Variants in FSTL4 observed in about 807,000 individuals in gnomAD.
The protein encoded by FSTL4 is follistatin-related protein 4.
A neutral mutation model predicts 78.2 loss-of-function variants in FSTL4; 28 were observed. The ratio of observed to expected loss-of-function variants is 0.36; its 90% CI spans 0.27 to 0.49. FSTL4 has a LOEUF of 0.49. Among genes scored for constraint, FSTL4 ranks in the 20% least tolerant of loss-of-function variants. The pLI is 0.98. For missense variants in FSTL4, 922 were observed against 1,084.9 expected, an observed-to-expected ratio of 0.85 and a Z score of 2.11; for synonymous variants, 422 against 440.5, an observed-to-expected ratio of 0.96 and a Z score of 0.53.
At chr5:133,667,902 C>T in the FSTL4 span, among the ~76,000 whole-genome samples, 1 of 152,182 alleles carries the variant, frequency 6.6e-6, no homozygotes, top group South Asian at 2.1e-4. Context: ...ACACAGTAGA[C>T]AATAAACATT....
intron 3 of FSTL4, among the ~76,000 whole-genome samples, chr5:133,467,248 GTA>G (rs1300211833): frequency 6.9e-6 from 1 of 145,724 alleles, no homozygotes; most frequent in African/African-American, 2.7e-5. Context: ...GTGAGAATGA[GTA>G]TATGTGAGTG....
rs867775539 is a variant in FSTL4 at position 133,199,643 on chromosome 5, G to A, written c.1981C>T (p.Arg661Ter). The change falls in exon 16 of 16, where the codon CGA (arginine) becomes TGA (stop). Residue 661 changes from arginine to a stop codon, truncating the protein, a stop_gained. Coordinates refer to ENST00000265342, the MANE Select transcript of FSTL4 (RefSeq NM_015082.2). LOFTEE classifies it low-confidence loss of function (END_TRUNC). This position sits in a 1 kb window ranked among gnomAD's most constrained non-coding sequence, Gnocchi z 4.4. The part of the protein sequence containing the change: ...HLGGYFFIQC[R>*]QDSPASAARQ... The stretch of plus-strand genomic sequence containing the variant: ...GCAGCAGAGGCGGGGCTGTCCTGTC[G>A]GCACTGGATGAAGAAGTAGCCGCCC... 6 of 1,614,018 alleles carry A rather than the reference G, an allele frequency of 3.7e-6. No individual in the cohort carries two copies. The highest frequency in any genetic ancestry group is 1.3e-5 in the African/African-American group (1 of 74,912).
intron 13 of FSTL4, among the ~76,000 whole-genome samples, chr5:133,215,066 T>C (rs1298198898): frequency 6.6e-6 from 1 of 152,214 alleles, no homozygotes; most frequent in Non-Finnish European, 1.5e-5. Context: ...GCCAAGGTGA[T>C]CCATGACTCT....
intron 6 of FSTL4, among the ~76,000 whole-genome samples, chr5:133,289,141 C>T (rs1445501493): frequency 1.3e-5 from 2 of 152,144 alleles, no homozygotes; most frequent in Admixed American, 6.5e-5. Context: ...TTGGGGGCTG[C>T]GAGGTCTGGA....
At chr5:133,704,686 G>T in the FSTL4 span, among the ~76,000 whole-genome samples, 2 of 152,220 alleles carry the variant, frequency 1.3e-5, no homozygotes, top group Non-Finnish European at 2.9e-5. Flanking sequence ...GGCATGATAA[G>T]ATACTGTCAG....
At chr5:133,698,533 G>A in the FSTL4 span, among the ~76,000 whole-genome samples, 11 of 152,222 alleles carry the variant, frequency 7.2e-5, no homozygotes, top group Non-Finnish European at 1.5e-4. Flanking sequence ...TATTACATGC[G>A]ATAATGCATG....
chr5:133,527,535 G>C (rs1759162587), intron 3 of FSTL4, among the ~76,000 whole-genome samples: 1 of 152,054 alleles, frequency 6.6e-6, no homozygotes, highest in Non-Finnish European at 1.5e-5. Context: ...ACTGACCGAT[G>C]TTATAAGCAT....
At chr5:133,360,586 C>T (rs184554558) in intron 4 of FSTL4, among the ~76,000 whole-genome samples, 3 of 149,476 alleles carry the variant, frequency 2.0e-5, no homozygotes, top group Non-Finnish European at 4.4e-5. Flanking sequence ...GCAATAAAAT[C>T]TCAACAGCAA....
At chr5:133,700,847 A>T in the FSTL4 span, among the ~76,000 whole-genome samples, 1 of 152,224 alleles carries the variant, frequency 6.6e-6, no homozygotes, top group East Asian at 1.9e-4. Flanking sequence ...ATACATTTAG[A>T]AAGAAGTTAT....
chr5:133,376,450 TG>T (rs563048013), intron 4 of FSTL4, among the ~76,000 whole-genome samples: 4 of 152,216 alleles, frequency 2.6e-5, no homozygotes, highest in African/African-American at 9.6e-5. Flanking sequence ...AAATAAACAT[TG>T]GGTCCCGCTT....
chr5:133,721,325 G>A, the FSTL4 span, among the ~76,000 whole-genome samples: 1 of 152,036 alleles, frequency 6.6e-6, no homozygotes, highest in Admixed American at 6.5e-5. Flanking sequence ...TACACCAGCG[G>A]TATTATAGTT....
intron 3 of FSTL4, among the ~76,000 whole-genome samples, chr5:133,557,388 G>A (rs749799439): frequency 1.3e-5 from 2 of 152,174 alleles, no homozygotes; most frequent in African/African-American, 4.8e-5. Flanking sequence ...TTAAGTAGAC[G>A]TTAATATGCT....
chr5:133,753,596 C>T, the FSTL4 span, among the ~76,000 whole-genome samples: 1 of 152,084 alleles, frequency 6.6e-6, no homozygotes, highest in Non-Finnish European at 1.5e-5. Context: ...ACACATGGTT[C>T]CAGCCAGCTG....
At chr5:133,677,099 A>G in the FSTL4 span, among the ~76,000 whole-genome samples, 1 of 152,266 alleles carries the variant, frequency 6.6e-6, no homozygotes, top group Non-Finnish European at 1.5e-5. Flanking sequence ...TGGAAAAGAT[A>G]GTGCTTGTAA....
intron 4 of FSTL4, among the ~76,000 whole-genome samples, chr5:133,317,325 A>G (rs922908672): frequency 3.9e-5 from 6 of 152,260 alleles, no homozygotes; most frequent in Non-Finnish European, 7.3e-5. Context: ...GCATTGCAGC[A>G]TGGCACAGTT....
At chr5:133,800,670 C>A in the FSTL4 span, among the ~76,000 whole-genome samples, 3 of 137,508 alleles carry the variant, frequency 2.2e-5, no homozygotes, top group Non-Finnish European at 4.9e-5. Flanking sequence ...TCTTGAGGGG[C>A]TTTTAATGGC....
chr5:133,581,692 A>T (rs1760413894), intron 2 of FSTL4, among the ~76,000 whole-genome samples: 1 of 152,388 alleles, frequency 6.6e-6, no homozygotes, highest in South Asian at 2.1e-4. Flanking sequence ...AGCAGTTCTC[A>T]AATGGGGACA....
intron 3 of FSTL4, among the ~76,000 whole-genome samples, chr5:133,519,172 T>C (rs1047978739): frequency 2.0e-5 from 3 of 152,222 alleles, no homozygotes; most frequent in Non-Finnish European, 4.4e-5. Context: ...TTGCTTGTCC[T>C]TATAATCTAA....
intron 3 of FSTL4, among the ~76,000 whole-genome samples, chr5:133,415,875 G>T (rs1371301054): frequency 6.6e-6 from 1 of 152,220 alleles, no homozygotes; most frequent in Non-Finnish European, 1.5e-5. Flanking sequence ...AATGAACTCT[G>T]TGGTTGGACT....
Sources: gnomAD v4.1 joint callset for allele counts (sites outside exome capture counted in the v4.1 genomes callset) on GRCh38, gnomAD v4.1.1 for gene constraint, Gnocchi (gnomAD v3.1) non-coding constraint, MANE v1.5 for transcripts, NCBI Gene and HGNC (gene_info 2026-07-23, HGNC 2026-07-21) for gene names.